Variants in CCDC69 observed in about 807,000 individuals in gnomAD.
CCDC69 encodes coiled-coil domain containing 69, also known as coiled-coil domain-containing protein 69.
A neutral mutation model predicts 40.3 loss-of-function variants in CCDC69; 38 were observed. The observed-to-expected ratio is 0.94, with a 90% CI of 0.73 to 1.24. The LOEUF is 1.24. Ranked by LOEUF, CCDC69 falls within the 50% of genes most tolerant of loss-of-function variation. CCDC69 has a pLI of 0.00. For synonymous variants in CCDC69, 141 were observed against 138.9 expected (o/e 1.02, Z -0.11); for missense variants, 389 against 357.9 (o/e 1.09, Z -0.70).
chr5:151,213,090 G>T (rs1752976237), intron 1 of CCDC69, among the ~76,000 whole-genome samples: 1 of 152,120 alleles, frequency 6.6e-6, no homozygotes, highest in Non-Finnish European at 1.5e-5. Context: ...TAAGCATAAA[G>T]AAATTATCTA....
In CCDC69 at chr5:151,181,518, T is replaced by C. The variant is rs1216657373; in HGVS notation, c.*1919A>G. The C allele has an allele frequency of 6.6e-6, 1 of 152,410 alleles. No individual in the cohort carries two copies. The highest frequency in any genetic ancestry group is 1.5e-5 in the Non-Finnish European group (1 of 68,196). The allele number at this position is 152,410 out of a possible 1,614,324, so 9.4% of individuals were successfully genotyped here. On this transcript the variant is annotated 3_prime_UTR_variant, in exon 9 of 9. Coordinates refer to ENST00000355417, the MANE Select transcript of CCDC69 (RefSeq NM_015621.3). ...CAGGCGTGAGCCACTGTGCCTGGAC[T>C]AAAACAATGCTTTCTAAAGCGCATT...
rs1766655625 is a variant in CCDC69 at position 151,182,633 on chromosome 5, T to G, written c.*804A>C. 1 of 234,492 alleles carries G rather than the reference T, an allele frequency of 4.3e-6. No individual in the cohort carries two copies. Among genetic ancestry groups the G allele is most frequent in the Non-Finnish European group, 8.6e-6 (1 of 116,756 alleles). The allele number at this position is 234,492 out of a possible 1,614,324, so 14.5% of individuals were successfully genotyped here. A position where few individuals can be genotyped will look rare whatever the true frequency, so the allele number is the denominator to read the frequency against. ...GGGATGAGGTTCCAGCTCTGATAGA[T>G]GAATGGACTCACAACCACCAAGCTT... On this transcript the variant is annotated 3_prime_UTR_variant, in exon 9 of 9. Transcript: ENST00000355417.
intron 8 of CCDC69, 132 bp downstream of exon 8, chr5:151,184,212 G>A (rs1380946043): frequency 1.5e-6 from 1 of 668,422 alleles, no homozygotes; most frequent in Non-Finnish European, 2.7e-6. Context: ...CAGGGAAAGA[G>A]GAGCCACATT....
rs1314513604 is a variant in CCDC69 at position 151,182,166 on chromosome 5, A to C, written c.*1271T>G. ...CCAATGAGGAATAGGAACCTGCTTC[A>C]AGGATCTTATGAGGACCAGGGGAGG... On this transcript the variant is annotated 3_prime_UTR_variant, in exon 9 of 9. Coordinates refer to ENST00000355417, the MANE Select transcript of CCDC69 (RefSeq NM_015621.3). 6.6e-6 allele frequency: 1 copy of C among 152,326 alleles called. No individual in the cohort carries two copies. Among genetic ancestry groups the C allele is most frequent in the Admixed American group, 6.5e-5 (1 of 15,282 alleles). The allele number at this position is 152,326 out of a possible 1,614,324, so 9.4% of individuals were successfully genotyped here. A position where few individuals can be genotyped will look rare whatever the true frequency, so the allele number is the denominator to read the frequency against.
chr5:151,183,992 C>G (rs920465573), intron 8 of CCDC69, among the ~76,000 whole-genome samples: 9 of 152,140 alleles, frequency 5.9e-5, no homozygotes, highest in Admixed American at 5.2e-4. Context: ...TAAATTATGT[C>G]TGACACATGA....
intron 3 of CCDC69, among the ~76,000 whole-genome samples, chr5:151,199,496 C>A (rs1582044190): frequency 6.6e-6 from 1 of 152,220 alleles, no homozygotes; most frequent in Non-Finnish European, 1.5e-5. Context: ...GGCAGCCCCT[C>A]AGAGATCTGA....
chr5:151,183,956 G>C (rs1395818749), intron 8 of CCDC69, among the ~76,000 whole-genome samples: 3 of 152,196 alleles, frequency 2.0e-5, no homozygotes, highest in African/African-American at 7.2e-5. Flanking sequence ...ATGAGGATTA[G>C]ATGAGAAAAT....
At chr5:151,212,450 T>G (rs972472855) in intron 1 of CCDC69, among the ~76,000 whole-genome samples, 9 of 152,120 alleles carry the variant, frequency 5.9e-5, no homozygotes, top group Non-Finnish European at 1.2e-4. Flanking sequence ...AGCCCTGCAG[T>G]AGGTTCAACC....
intron 4 of CCDC69, among the ~76,000 whole-genome samples, chr5:151,194,066 A>C (rs1401305441): frequency 6.6e-6 from 1 of 152,254 alleles, no homozygotes; most frequent in African/African-American, 2.4e-5. Flanking sequence ...GACAGCAAGT[A>C]TTGGCATGAA....
intron 1 of CCDC69, among the ~76,000 whole-genome samples, chr5:151,213,354 C>T (rs1752980237): frequency 6.6e-6 from 1 of 152,108 alleles, no homozygotes; most frequent in Non-Finnish European, 1.5e-5. Flanking sequence ...TCACGCCATT[C>T]TCCTGTCTCA....
At chr5:151,216,577 G>A (rs1372918176) in intron 1 of CCDC69, among the ~76,000 whole-genome samples, 3 of 150,878 alleles carry the variant, frequency 2.0e-5, no homozygotes, top group African/African-American at 7.3e-5. Flanking sequence ...CCACACGCCC[G>A]GCTAATTTTT....
intron 1 of CCDC69, chr5:151,210,922 T>G (rs1752936478): frequency 6.6e-6 from 1 of 151,968 alleles, no homozygotes; most frequent in South Asian, 2.1e-4. Context: ...GAACTGAGAT[T>G]GGGCCACTGC....
chr5:151,211,649 G>C (rs1752952576), intron 1 of CCDC69, among the ~76,000 whole-genome samples: 1 of 150,466 alleles, frequency 6.6e-6, no homozygotes. Context: ...TCAGCCTCCA[G>C]AGTAGCTGGG....
chr5:151,208,068 T>A (rs936948151), intron 1 of CCDC69, among the ~76,000 whole-genome samples: 16 of 152,050 alleles, frequency 1.1e-4, no homozygotes, highest in Non-Finnish European at 2.9e-5. Flanking sequence ...CTGACCAACA[T>A]GGCAAAAACC....
chr5:151,185,383 G>A lies in CCDC69; in HGVS notation c.615+39C>T, dbSNP rs1582037873. 2 of 1,610,596 alleles carry A rather than the reference G, an allele frequency of 1.2e-6. 1 individual carries two copies. Among genetic ancestry groups the A allele is most frequent in the South Asian group, 2.2e-5 (2 of 90,836 alleles). On this transcript the variant is annotated intron_variant, in intron 7 of 8. Transcript: ENST00000355417. ...CAAAGGAAACACCCAGAAAGCGGGAGCCTGAGGCTGCATCCCCCAGCCACT... is the reference window on the plus strand; with the variant it reads ...CAAAGGAAACACCCAGAAAGCGGGAACCTGAGGCTGCATCCCCCAGCCACT...
chr5:151,210,422 T>C lies in CCDC69; in HGVS notation c.49-4947A>G, dbSNP rs371996096. ...GCCAGGCGGTAGTGGCATGCGCCTC[T>C]AACCCCAGCTACTTGGGAAGCTGAG... On this transcript the variant is annotated intron_variant, in intron 1 of 8. Coordinates refer to ENST00000355417, the MANE Select transcript of CCDC69 (RefSeq NM_015621.3). Among the ~76,000 whole-genome samples, 12 of 152,136 alleles carry C rather than the reference T, an allele frequency of 7.9e-5. 1 individual carries two copies. The highest frequency in any genetic ancestry group is 1.4e-4 in the African/African-American group (6 of 41,514).
At chr5:151,185,278 T>C (rs1752479250) in intron 7 of CCDC69, 144 bp downstream of exon 7, 1 of 823,030 alleles carries the variant, frequency 1.2e-6, no homozygotes, top group Middle Eastern at 3.9e-4. Context: ...CCATGCTCAG[T>C]GGTCAGCACA....
intron 4 of CCDC69, among the ~76,000 whole-genome samples, chr5:151,191,737 A>AT (rs1561599034): frequency 6.6e-6 from 1 of 152,178 alleles, no homozygotes; most frequent in Non-Finnish European, 1.5e-5. Context: ...TATAGCTTAA[A>AT]TGTTTATATT....
rs1753180347 is a variant in CCDC69 at position 151,224,085 on chromosome 5, C to G, written c.-115G>C. On this transcript the variant is annotated 5_prime_UTR_variant, in exon 1 of 9. Coordinates refer to ENST00000355417, the MANE Select transcript of CCDC69 (RefSeq NM_015621.3). ...GCCGGCTGGGGCTGCCGGCGAGACC[C>G]TGAAACTGAACCTGGAAGCGCTGTC... The G allele has an allele frequency of 4.4e-6, 4 of 913,086 alleles. No individual in the cohort carries two copies. 56.6% of individuals were successfully genotyped at this position (913,086 alleles called of 1,614,324 possible).
Sources: gnomAD v4.1 joint callset for allele counts (sites outside exome capture counted in the v4.1 genomes callset) on GRCh38, gnomAD v4.1.1 for gene constraint, MANE v1.5 for transcripts, NCBI Gene and HGNC (gene_info 2026-07-23, HGNC 2026-07-21) for gene names.